PRKCE: variants seen among roughly 807,000 people sequenced by gnomAD.
The protein encoded by PRKCE is protein kinase C epsilon.
In PRKCE, 16 loss-of-function variants were observed where a neutral mutation model predicts 85.4. That is an observed-to-expected ratio of 0.19 (90% CI 0.13 to 0.28). The LOEUF (loss-of-function observed/expected upper bound fraction) is 0.28. PRKCE is among the 10% of genes least tolerant of loss of function. The pLI is 1.00. For missense variants in PRKCE, 573 were observed against 975.2 expected (o/e 0.59, Z 5.49); for synonymous variants, 388 against 371.5 (o/e 1.04, Z -0.51).
intron 1 of PRKCE, among the ~76,000 whole-genome samples, chr2:45,673,444 G>A (rs1156253995): frequency 6.6e-6 from 1 of 152,136 alleles, no homozygotes; most frequent in African/African-American, 2.4e-5. Context: ...GTTTCCAACT[G>A]TATTTGATTG....
chr2:45,835,462 G>A (rs938732287), intron 1 of PRKCE, among the ~76,000 whole-genome samples: 1 of 152,178 alleles, frequency 6.6e-6, no homozygotes, highest in African/African-American at 2.4e-5. Flanking sequence ...AATCACAGAT[G>A]TGCTTTTTTG....
chr2:45,712,075 C>CT (rs1019602343), intron 1 of PRKCE, among the ~76,000 whole-genome samples: 1 of 150,354 alleles, frequency 6.7e-6, no homozygotes, highest in Non-Finnish European at 1.5e-5. Flanking sequence ...CTTCTCCACA[C>CT]TGTCTGTGTG....
chr2:45,655,670 T>G (rs1675343340), intron 1 of PRKCE, among the ~76,000 whole-genome samples: 1 of 151,594 alleles, frequency 6.6e-6, no homozygotes, highest in African/African-American at 2.4e-5. Context: ...TACAAGAAAC[T>G]TAAAAATTAG....
chr2:45,822,076 G>C (rs1488925112), intron 1 of PRKCE, among the ~76,000 whole-genome samples: 1 of 152,152 alleles, frequency 6.6e-6, no homozygotes, highest in African/African-American at 2.4e-5. Context: ...AGAATGTTCT[G>C]GCACCTGTCC....
intron 2 of PRKCE, among the ~76,000 whole-genome samples, chr2:45,927,926 C>G (rs576179055): frequency 6.7e-6 from 1 of 150,144 alleles, no homozygotes; most frequent in South Asian, 2.1e-4. Flanking sequence ...CTCACGGAGG[C>G]AGGAGAGGGT....
At chr2:45,901,298 G>A (rs1482323041) in intron 2 of PRKCE, among the ~76,000 whole-genome samples, 1 of 152,202 alleles carries the variant, frequency 6.6e-6, no homozygotes, top group Non-Finnish European at 1.5e-5. Flanking sequence ...CAAGGCATTA[G>A]TGTTTCAGAA....
chr2:46,063,411 T>A lies in PRKCE; in HGVS notation c.1438-22797T>A, dbSNP rs151289722. Among the ~76,000 whole-genome samples, 561 of 151,656 alleles carry A rather than the reference T, an allele frequency of 3.7e-3. 5 individuals are homozygous for A. The highest frequency in any genetic ancestry group is 0.013 in the African/African-American group (542 of 41,350). On this transcript the variant is annotated intron_variant, in intron 10 of 14. Transcript: ENST00000306156. ...TTTTAAAAATAGACGCATGGAAGCA[T>A]GTGTTTGTTTGTTCCTACTTGGTGT... is the stretch of plus-strand genomic sequence containing the variant.
At chr2:45,897,000 C>T (rs1050202892) in intron 2 of PRKCE, among the ~76,000 whole-genome samples, 6 of 152,080 alleles carry the variant, frequency 3.9e-5, no homozygotes, top group Admixed American at 3.3e-4. Context: ...ATCCCTTGAG[C>T]CCATGAGTTT....
intron 2 of PRKCE, among the ~76,000 whole-genome samples, chr2:45,884,215 A>C (rs1695078680): frequency 2.0e-5 from 3 of 152,230 alleles, no homozygotes; most frequent in Admixed American, 6.5e-5. Flanking sequence ...GAGGGTTCTG[A>C]GTTCAGGTTC....
chr2:45,862,490 C>A (rs1693248534), intron 2 of PRKCE, among the ~76,000 whole-genome samples: 1 of 152,204 alleles, frequency 6.6e-6, no homozygotes, highest in African/African-American at 2.4e-5. Flanking sequence ...ACCAGACTGT[C>A]AGAAGTGAGC....
intron 6 of PRKCE, among the ~76,000 whole-genome samples, chr2:45,991,427 T>C (rs939364349): frequency 2.6e-5 from 4 of 152,220 alleles, no homozygotes; most frequent in Non-Finnish European, 5.9e-5. Flanking sequence ...CACACTGACA[T>C]CCAATAAATA....
At chr2:46,129,165 G>A (rs765453403) in intron 11 of PRKCE, among the ~76,000 whole-genome samples, 2 of 152,142 alleles carry the variant, frequency 1.3e-5, no homozygotes, top group Non-Finnish European at 2.9e-5. Context: ...GGGAGAATTC[G>A]AGGAGCTCCT....
At chr2:46,017,733 T>C (rs1187549348) in intron 10 of PRKCE, among the ~76,000 whole-genome samples, 1 of 152,262 alleles carries the variant, frequency 6.6e-6, no homozygotes, top group Non-Finnish European at 1.5e-5. Flanking sequence ...CTTTATTTGA[T>C]AGTAGCCATT....
intron 2 of PRKCE, among the ~76,000 whole-genome samples, chr2:45,952,342 A>C (rs191764663): frequency 6.6e-6 from 1 of 152,240 alleles, no homozygotes; most frequent in African/African-American, 2.4e-5. Context: ...GCAAGCGTAC[A>C]TAAGTCATCA....
In PRKCE at chr2:46,038,741, C is replaced by G. The variant is rs143818991; in HGVS notation, c.1437+28224C>G. Reference sequence around the variant, plus strand: ...TTCCTTGCGAATGACCATCTTATTCCATTACATCAAGCATCTAGGCTTAGC... The same window carrying G: ...TTCCTTGCGAATGACCATCTTATTCGATTACATCAAGCATCTAGGCTTAGC... On this transcript the variant is annotated intron_variant, in intron 10 of 14. Coordinates refer to ENST00000306156, the MANE Select transcript of PRKCE (RefSeq NM_005400.3). Among the ~76,000 whole-genome samples, 4 of 149,552 alleles carry G rather than the reference C, an allele frequency of 2.7e-5. No individual in the cohort carries two copies. In the East Asian group the frequency reaches 8.0e-4, roughly 30 times the overall value.
chr2:45,819,583 C>T lies in PRKCE; in HGVS notation c.349-23417C>T, dbSNP rs372721568. ...ACTGGTTGTTCCTTCTGGTTTTTCA[C>T]GTTCCTGGGCCTGGGGACAGTCCAG... On this transcript the variant is annotated intron_variant, in intron 1 of 14. Transcript: ENST00000306156. Among the ~76,000 whole-genome samples the T allele has an allele frequency of 3.3e-5, 5 of 152,264 alleles. No individual in the cohort carries two copies. The East Asian group carries it at 7.7e-4, about 24-fold the overall frequency.
At position 45,708,179 on chromosome 2, in the gene PRKCE, A is replaced by G. The variant is rs1383263696; in HGVS notation, c.348+55731A>G. ...GATTTCCTTTAATGTCTTCCTGGGC[A>G]GAGCAAGTTGCTAAGCTGGGGCTCC... On this transcript the variant is annotated intron_variant, in intron 1 of 14. Transcript: ENST00000306156. Among the ~76,000 whole-genome samples the G allele has an allele frequency of 6.0e-5, 3 of 50,160 alleles. No individual in the cohort carries two copies. The East Asian group carries it at 3.1e-3, about 52-fold the overall frequency. The allele number at this position is 50,160 out of a possible 152,430, so 32.9% of individuals were successfully genotyped here. A position where few individuals can be genotyped will look rare whatever the true frequency, so the allele number is the denominator to read the frequency against.
chr2:46,108,617 T>C (rs1671968577), intron 11 of PRKCE, among the ~76,000 whole-genome samples: 1 of 152,222 alleles, frequency 6.6e-6, no homozygotes, highest in East Asian at 1.9e-4. Context: ...AGTATATCAA[T>C]GTAGCAAAAT....
intron 1 of PRKCE, among the ~76,000 whole-genome samples, chr2:45,670,214 C>T (rs1248298847): frequency 2.0e-5 from 3 of 152,144 alleles, no homozygotes; most frequent in African/African-American, 7.2e-5. Flanking sequence ...AGTGAGGCAT[C>T]ATCTGACTCT....
Sources: gnomAD v4.1 joint callset for allele counts (sites outside exome capture counted in the v4.1 genomes callset) on GRCh38, gnomAD v4.1.1 for gene constraint, MANE v1.5 for transcripts, NCBI Gene and HGNC (gene_info 2026-07-23, HGNC 2026-07-21) for gene names.